The following CNTNAP2 variants were observed in gnomAD, a reference collection of about 807,000 sequenced individuals.
CNTNAP2 encodes the protein contactin-associated protein-like 2.
A neutral mutation model predicts 155.2 loss-of-function variants in CNTNAP2; 98 were observed. The observed-to-expected ratio is 0.63, with a 90% CI of 0.54 to 0.75. CNTNAP2 has a LOEUF of 0.75. Ranked by LOEUF, CNTNAP2 falls within the 30% of genes least tolerant of loss-of-function variation. The probability of loss-of-function intolerance (pLI) is 0.00; values close to 1 mark genes in which losing one functional copy is unlikely to be tolerated. For missense variants in CNTNAP2, 1,727 were observed against 1,688.1 expected (o/e 1.02, Z -0.40); for synonymous variants, 651 against 631.2 (o/e 1.03, Z -0.47).
intron 13 of CNTNAP2, among the ~76,000 whole-genome samples, chr7:147,873,427 G>A (rs1232474746): frequency 6.6e-6 from 1 of 152,158 alleles, no homozygotes; most frequent in African/African-American, 2.4e-5. Context: ...AAGGGCAAAG[G>A]CATGTCTTAC....
chr7:147,793,207 T>C (rs1797846797), intron 13 of CNTNAP2, among the ~76,000 whole-genome samples: 1 of 152,136 alleles, frequency 6.6e-6, no homozygotes, highest in South Asian at 2.1e-4. Context: ...AATTTATTTA[T>C]TTTCTTACTT....
intron 11 of CNTNAP2, among the ~76,000 whole-genome samples, chr7:147,519,899 T>G (rs1341681748): frequency 6.6e-6 from 1 of 152,082 alleles, no homozygotes; most frequent in Non-Finnish European, 1.5e-5. Flanking sequence ...AATCAAATAT[T>G]TTTTTACTGT....
Position 147,494,468 on chromosome 7 carries a change from CAAAAAAA to C in CNTNAP2, c.1777+8439_1777+8445del, listed in dbSNP as rs10562874. On this transcript the variant is annotated intron_variant, in intron 11 of 23. Transcript: ENST00000361727. ...ATATGTCTTTCTCTTTGAGTCTTGG[CAAAAAAA>C]AAAAAAAAAAAGTTGATCTGCAAAT... 1.1e-4 allele frequency among the ~76,000 whole-genome samples: 13 copies of C among 116,378 alleles called. 1 individual carries two copies. Among genetic ancestry groups the C allele is most frequent in the Non-Finnish European group, 1.4e-4 (8 of 59,040 alleles). 76.3% of individuals were successfully genotyped at this position (116,378 alleles called of 152,430 possible). A position where few individuals can be genotyped will look rare whatever the true frequency, so the allele number is the denominator to read the frequency against.
At chr7:147,211,766 C>T (rs181406802) in intron 8 of CNTNAP2, among the ~76,000 whole-genome samples, 3 of 152,004 alleles carry the variant, frequency 2.0e-5, no homozygotes, top group Admixed American at 6.6e-5. Context: ...TAACTAAGTC[C>T]TCAAACACAA....
At chr7:148,142,909 A>G (rs1805104192) in intron 16 of CNTNAP2, among the ~76,000 whole-genome samples, 1 of 152,226 alleles carries the variant, frequency 6.6e-6, no homozygotes, top group Non-Finnish European at 1.5e-5. Context: ...TTTTGTCCCA[A>G]TCATTACTTT....
intron 14 of CNTNAP2, among the ~76,000 whole-genome samples, chr7:147,948,732 C>T (rs60908935): frequency 0.01 from 1,544 of 151,248 alleles, 26 homozygotes; most frequent in African/African-American, 0.036. Context: ...CTATGTCCTG[C>T]ACAGTCAAAA....
chr7:148,002,496 T>G (rs1801915916), intron 15 of CNTNAP2, among the ~76,000 whole-genome samples: 1 of 152,158 alleles, frequency 6.6e-6, no homozygotes. Flanking sequence ...GTAGTCCCCA[T>G]GCCAAGAATG....
chr7:147,742,998 A>G (rs1419283374), intron 13 of CNTNAP2, among the ~76,000 whole-genome samples: 2 of 152,214 alleles, frequency 1.3e-5, no homozygotes, highest in Non-Finnish European at 2.9e-5. Context: ...TTCATCACAC[A>G]GTAAAAGTCT....
At chr7:146,676,779 A>T (rs1300159215) in intron 1 of CNTNAP2, among the ~76,000 whole-genome samples, 1 of 152,188 alleles carries the variant, frequency 6.6e-6, no homozygotes, top group Non-Finnish European at 1.5e-5. Context: ...TTATAAAACC[A>T]TCAGATCTCA....
At chr7:146,723,011 T>A (rs1226610543) in intron 1 of CNTNAP2, among the ~76,000 whole-genome samples, 1 of 152,002 alleles carries the variant, frequency 6.6e-6, no homozygotes, top group Non-Finnish European at 1.5e-5. Flanking sequence ...CAAGACTCCA[T>A]CTCAAAAAAA....
intron 11 of CNTNAP2, among the ~76,000 whole-genome samples, chr7:147,501,808 T>C (rs1267936200): frequency 6.6e-6 from 1 of 152,186 alleles, no homozygotes; most frequent in Non-Finnish European, 1.5e-5. Context: ...TCCAGGAGCA[T>C]CTACATATAG....
Position 146,147,522 on chromosome 7 carries a change from G to A in CNTNAP2, c.97+30549G>A, listed in dbSNP as rs556938778. ...GGCTTTCGTAATGCAGATGATTAAA[G>A]TAGGAAGCCTACCCACTTCTATTTT... On this transcript the variant is annotated intron_variant, in intron 1 of 23. Coordinates refer to ENST00000361727, the MANE Select transcript of CNTNAP2 (RefSeq NM_014141.6). Among the ~76,000 whole-genome samples, 14 of 152,252 alleles carry A rather than the reference G, an allele frequency of 9.2e-5. No individual in the cohort carries two copies. The South Asian group carries it at 1.7e-3, about 18-fold the overall frequency.
intron 12 of CNTNAP2, among the ~76,000 whole-genome samples, chr7:147,622,295 A>T (rs1282266154): frequency 6.6e-6 from 1 of 152,038 alleles, no homozygotes; most frequent in African/African-American, 2.4e-5. Flanking sequence ...AATTTAACGC[A>T]TATTTATAGA....
chr7:146,625,707 G>C (rs900308642), intron 1 of CNTNAP2, among the ~76,000 whole-genome samples: 3 of 151,984 alleles, frequency 2.0e-5, no homozygotes, highest in African/African-American at 7.2e-5. Flanking sequence ...TTGTTAACAT[G>C]CCAACAAAAG....
At chr7:146,237,965 TAC>T (rs1446935699) in intron 1 of CNTNAP2, among the ~76,000 whole-genome samples, 1 of 152,224 alleles carries the variant, frequency 6.6e-6, no homozygotes, top group Admixed American at 6.5e-5. Flanking sequence ...TAGCATCTAT[TAC>T]AGTTTCAAAT....
At chr7:147,384,414 C>G (rs1249664694) in intron 9 of CNTNAP2, among the ~76,000 whole-genome samples, 1 of 152,128 alleles carries the variant, frequency 6.6e-6, no homozygotes, top group East Asian at 1.9e-4. Context: ...AGGGATCTCT[C>G]TATGCCTAAA....
intron 3 of CNTNAP2, among the ~76,000 whole-genome samples, chr7:146,882,846 TA>T (rs1419643561): frequency 6.6e-6 from 1 of 152,084 alleles, no homozygotes; most frequent in Admixed American, 6.6e-5. Context: ...AGAAAATATC[TA>T]GGAATACAAC....
At chr7:148,195,013 A>AT (rs1357487081) in intron 18 of CNTNAP2, among the ~76,000 whole-genome samples, 1 of 152,226 alleles carries the variant, frequency 6.6e-6, no homozygotes, top group African/African-American at 2.4e-5. Flanking sequence ...CACTGAGCAT[A>AT]TATATGATCA....
At chr7:146,388,352 C>T (rs576330625) in intron 1 of CNTNAP2, among the ~76,000 whole-genome samples, 277 of 152,044 alleles carry the variant, frequency 1.8e-3, no homozygotes, top group African/African-American at 6.3e-3. Context: ...GGAGGATCAC[C>T]TGAGCCCGGG....
Sources: allele counts gnomAD v4.1 joint callset (sites outside exome capture counted in the v4.1 genomes callset), GRCh38; gene constraint gnomAD v4.1.1; transcripts MANE v1.5; gene names NCBI Gene and HGNC (gene_info 2026-07-23, HGNC 2026-07-21).